The following PACRG variants were observed in gnomAD, a reference collection of about 807,000 sequenced individuals.
PACRG encodes the protein parkin coregulated, also known as parkin coregulated gene protein.
Under a neutral mutation model 29.7 loss-of-function variants are expected in PACRG, and 29 were observed. The ratio of observed to expected loss-of-function variants is 0.98; its 90% CI spans 0.73 to 1.33. The LOEUF is 1.33. Ranked by LOEUF, PACRG falls within the 40% of genes most tolerant of loss-of-function variation. The pLI, the probability that PACRG is intolerant of heterozygous loss-of-function variation, is 0.00. For missense variants in PACRG, 279 were observed against 316.2 expected (o/e 0.88, Z 0.89); for synonymous variants, 116 against 118.7 (o/e 0.98, Z 0.15).
At chr6:162,800,485 T>C (rs114240234) in intron 1 of PACRG, among the ~76,000 whole-genome samples, 271 of 152,342 alleles carry the variant, frequency 1.8e-3, no homozygotes, top group African/African-American at 6.1e-3. Context: ...TTGAATGACA[T>C]ACTCACAATT....
Position 163,097,172 on chromosome 6 carries a change from G to A in PACRG, c.613+7764G>A, listed in dbSNP as rs142559765. On this transcript the variant is annotated intron_variant, in intron 4 of 4. Coordinates refer to ENST00000366888, the MANE Select transcript of PACRG (RefSeq NM_001080379.2). ...CCTCTTTCCACTGTGTTCTGTTTTC[G>A]ATTGGCCCTTATATTTGTGGTTTCT... 7.9e-5 allele frequency among the ~76,000 whole-genome samples: 12 copies of A among 152,294 alleles called. No homozygotes were observed. The East Asian group carries it at 1.7e-3, about 22-fold the overall frequency.
intron 2 of PACRG, among the ~76,000 whole-genome samples, chr6:162,872,538 AG>A (rs1028637781): frequency 6.6e-6 from 1 of 152,240 alleles, no homozygotes; most frequent in Non-Finnish European, 1.5e-5. Context: ...TACTCAAGCC[AG>A]CCTTTTGGCT....
intron 4 of PACRG, among the ~76,000 whole-genome samples, chr6:163,159,502 A>G (rs1051795529): frequency 6.6e-6 from 1 of 152,100 alleles, no homozygotes; most frequent in Non-Finnish European, 1.5e-5. Context: ...CTCTAGTGGA[A>G]AGAGTACTGG....
chr6:163,198,801 G>A (rs1305927248), intron 4 of PACRG, among the ~76,000 whole-genome samples: 2 of 152,186 alleles, frequency 1.3e-5, no homozygotes, highest in South Asian at 2.1e-4. Flanking sequence ...TTGTGACGAC[G>A]TGTGCCCAAG....
At chr6:162,956,665 C>T (rs1800064413) in intron 2 of PACRG, among the ~76,000 whole-genome samples, 1 of 152,190 alleles carries the variant, frequency 6.6e-6, no homozygotes, top group Non-Finnish European at 1.5e-5. Flanking sequence ...AGCATTGCTC[C>T]TGCAGCCGCA....
chr6:162,846,628 AT>A (rs373767555), intron 2 of PACRG, among the ~76,000 whole-genome samples: 293 of 152,242 alleles, frequency 1.9e-3, no homozygotes, highest in African/African-American at 6.6e-3. Context: ...GCCTTTTTAG[AT>A]CACCCGTGCC....
intron 4 of PACRG, among the ~76,000 whole-genome samples, chr6:163,121,663 C>CT (rs771976364): frequency 0.013 from 1,649 of 126,182 alleles, 23 homozygotes; most frequent in East Asian, 0.018. Flanking sequence ...TCTCGGTAAT[C>CT]TTTTTTTTTT....
chr6:162,855,224 G>A (rs959023675), intron 2 of PACRG, among the ~76,000 whole-genome samples: 4 of 152,172 alleles, frequency 2.6e-5, no homozygotes, highest in African/African-American at 4.8e-5. Flanking sequence ...TTAGGTGGAG[G>A]AGTGCCTGTA....
At chr6:162,785,332 G>A (rs1784385378) in intron 1 of PACRG, among the ~76,000 whole-genome samples, 1 of 152,192 alleles carries the variant, frequency 6.6e-6, no homozygotes, top group African/African-American at 2.4e-5. Context: ...GCAATATTTT[G>A]GGGTTATCAT....
intron 4 of PACRG, among the ~76,000 whole-genome samples, chr6:163,275,830 G>A (rs925620239): frequency 6.6e-6 from 1 of 152,124 alleles, no homozygotes; most frequent in Non-Finnish European, 1.5e-5. Flanking sequence ...ATAATTCAAA[G>A]GACATAGTGA....
intron 2 of PACRG, among the ~76,000 whole-genome samples, chr6:162,945,079 A>G (rs1207836813): frequency 6.6e-6 from 1 of 151,880 alleles, no homozygotes; most frequent in Non-Finnish European, 1.5e-5. Flanking sequence ...CAACAATGCT[A>G]AACATTAACA....
intron 4 of PACRG, among the ~76,000 whole-genome samples, chr6:163,211,310 C>A (rs917498512): frequency 2.0e-5 from 3 of 152,166 alleles, no homozygotes; most frequent in African/African-American, 7.2e-5. Context: ...AAAACATTAA[C>A]ACTTGGTTTC....
At chr6:163,069,275 A>G (rs1811827428) in intron 3 of PACRG, among the ~76,000 whole-genome samples, 1 of 146,590 alleles carries the variant, frequency 6.8e-6, no homozygotes, top group South Asian at 2.2e-4. Flanking sequence ...CCAGGAAAAC[A>G]TGAACTCACC....
At chr6:163,259,184 C>G (rs1395727528) in intron 4 of PACRG, among the ~76,000 whole-genome samples, 2 of 152,154 alleles carry the variant, frequency 1.3e-5, no homozygotes, top group Non-Finnish European at 2.9e-5. Flanking sequence ...ATCCCAACCC[C>G]GTGCTCCTTT....
intron 4 of PACRG, among the ~76,000 whole-genome samples, chr6:163,248,769 C>A (rs188021119): frequency 6.6e-6 from 1 of 152,088 alleles, no homozygotes; most frequent in East Asian, 1.9e-4. Context: ...TAAGACGAAG[C>A]TGAGGGAGGC....
At chr6:163,212,613 T>C (rs982347513) in intron 4 of PACRG, among the ~76,000 whole-genome samples, 2 of 152,182 alleles carry the variant, frequency 1.3e-5, no homozygotes, top group South Asian at 4.1e-4. Context: ...AAATGGGCTA[T>C]AACCCATAGA....
At chr6:162,739,170 T>C (rs546799412) in intron 1 of PACRG, among the ~76,000 whole-genome samples, 1 of 152,348 alleles carries the variant, frequency 6.6e-6, no homozygotes, top group African/African-American at 2.4e-5. Context: ...TCATAAATTG[T>C]TGGTATCAGA....
At chr6:162,758,064 G>T (rs557417232) in intron 1 of PACRG, among the ~76,000 whole-genome samples, 1 of 152,238 alleles carries the variant, frequency 6.6e-6, no homozygotes, top group South Asian at 2.1e-4. Flanking sequence ...GGGAGTGCAA[G>T]TTGGTATTAA....
chr6:163,003,276 C>G (rs1257019511), intron 2 of PACRG, among the ~76,000 whole-genome samples: 2 of 152,214 alleles, frequency 1.3e-5, no homozygotes, highest in Non-Finnish European at 2.9e-5. Context: ...GGATAATCAT[C>G]TCTTGCTGAT....
Sources: gnomAD v4.1 joint callset for allele counts (sites outside exome capture counted in the v4.1 genomes callset) on GRCh38, gnomAD v4.1.1 for gene constraint, MANE v1.5 for transcripts, NCBI Gene and HGNC (gene_info 2026-07-23, HGNC 2026-07-21) for gene names.